The following KRABD2 variants were observed in gnomAD, a reference collection of about 807,000 sequenced individuals.
The protein encoded by KRABD2 is KRAB domain-containing protein 2.
the KRABD2 span, chr17:8,359,763 C>T: frequency 2.2e-6 from 1 of 456,064 alleles, no homozygotes; most frequent in Non-Finnish European, 4.4e-6. Context: ...GGTTTCAGGA[C>T]TGGGAGCCAG....
the KRABD2 span, chr17:8,376,669 T>C: frequency 3.0e-6 from 3 of 983,960 alleles, no homozygotes; most frequent in Non-Finnish European, 3.6e-6. Context: ...GGCGTCTGAA[T>C]CCCCCTCCAC....
At chr17:8,371,179 AT>A in the KRABD2 span, 1 of 806,722 alleles carries the variant, frequency 1.2e-6, no homozygotes, top group Non-Finnish European at 1.9e-6. Flanking sequence ...AAAAAAAAAA[AT>A]TTCTTATGGC....
At chr17:8,371,491 A>G in the KRABD2 span, 1 of 1,610,350 alleles carries the variant, frequency 6.2e-7, no homozygotes, top group Non-Finnish European at 8.5e-7. Context: ...CAGCTTCAGC[A>G]GGACTGGGGA....
the KRABD2 span, among the ~76,000 whole-genome samples, chr17:8,362,329 C>CAA: frequency 5.2e-5 from 7 of 134,104 alleles, no homozygotes; most frequent in African/African-American, 1.9e-4. The surrounding 1 kb of genome is among the most constrained non-coding windows in gnomAD (Gnocchi z 4.2). Flanking sequence ...GATTCCATCT[C>CAA]AAAAAAAAAA....
At chr17:8,370,114 C>G in the KRABD2 span, 6 of 1,614,076 alleles carry the variant, frequency 3.7e-6, no homozygotes, top group African/African-American at 1.3e-5. Context: ...GTGCCCTGTA[C>G]AGAGATCACA....
chr17:8,370,436 C>T, the KRABD2 span: 1 of 1,206,362 alleles, frequency 8.3e-7, no homozygotes, highest in Non-Finnish European at 1.2e-6. Flanking sequence ...ACACTCCCAC[C>T]TGGAAGACTT....
At chr17:8,376,517 G>A in the KRABD2 span, 1 of 991,798 alleles carries the variant, frequency 1.0e-6, no homozygotes, top group African/African-American at 1.7e-5. Flanking sequence ...TTCCTACCCT[G>A]ACTTCGCAGA....
the KRABD2 span, among the ~76,000 whole-genome samples, chr17:8,360,753 A>T: frequency 6.6e-6 from 1 of 151,914 alleles, no homozygotes; most frequent in African/African-American, 2.4e-5. Flanking sequence ...ATCACAAACT[A>T]AAAAAAACAA....
At chr17:8,374,387 A>G in the KRABD2 span, among the ~76,000 whole-genome samples, 3 of 152,130 alleles carry the variant, frequency 2.0e-5, no homozygotes, top group South Asian at 2.1e-4. Context: ...GATTAAGGGC[A>G]GTGCAAGATG....
the KRABD2 span, chr17:8,375,869 T>A: frequency 8.2e-7 from 1 of 1,224,032 alleles, no homozygotes; most frequent in Admixed American, 4.3e-5. Flanking sequence ...CTGGAAATAT[T>A]TCCAAAGCCA....
chr17:8,369,951 C>T, the KRABD2 span: 21 of 1,614,150 alleles, frequency 1.3e-5, no homozygotes, highest in Non-Finnish European at 1.8e-5. Flanking sequence ...GGTGACATTC[C>T]CATATTTTCC....
At chr17:8,370,786 C>T in the KRABD2 span, among the ~76,000 whole-genome samples, 794 of 152,256 alleles carry the variant, frequency 5.2e-3, 11 homozygotes, top group African/African-American at 0.018. Flanking sequence ...AATGGGAGAA[C>T]GTTGCTAAAA....
At chr17:8,369,614 C>A in the KRABD2 span, 1 of 1,614,226 alleles carries the variant, frequency 6.2e-7, no homozygotes, top group Non-Finnish European at 8.5e-7. Context: ...CATGAACAAC[C>A]TGGTTTGTGA....
the KRABD2 span, chr17:8,370,395 G>A: frequency 6.6e-7 from 1 of 1,518,706 alleles, no homozygotes; most frequent in Non-Finnish European, 8.8e-7. Flanking sequence ...TCCTAAGAAA[G>A]GAAGAAAAGA....
At chr17:8,365,199 T>C in the KRABD2 span, among the ~76,000 whole-genome samples, 2 of 152,122 alleles carry the variant, frequency 1.3e-5, no homozygotes, top group African/African-American at 4.8e-5. Flanking sequence ...AACATTAAGA[T>C]GCAAAAGAGG....
chr17:8,361,609 G>A, the KRABD2 span, among the ~76,000 whole-genome samples: 10 of 152,112 alleles, frequency 6.6e-5, no homozygotes, highest in African/African-American at 2.4e-4. Flanking sequence ...TTCCCCTGAA[G>A]GGCTGTGGTG....
the KRABD2 span, chr17:8,369,928 C>T: frequency 6.2e-7 from 1 of 1,614,098 alleles, no homozygotes; most frequent in Non-Finnish European, 8.5e-7. Context: ...AGATATAAGA[C>T]AATAACTTCT....
the KRABD2 span, chr17:8,365,705 C>G: frequency 6.6e-6 from 1 of 152,226 alleles, no homozygotes; most frequent in Non-Finnish European, 1.5e-5. Flanking sequence ...GCTGGTCTCT[C>G]AGGACAATCC....
At chr17:8,367,662 CAAA>C in the KRABD2 span, among the ~76,000 whole-genome samples, 10 of 94,118 alleles carry the variant, frequency 1.1e-4, no homozygotes, top group Admixed American at 2.5e-4. Context: ...GACCCTGTCT[CAAA>C]AAAAAAAAAA....
Sources: allele counts gnomAD v4.1 joint callset (sites outside exome capture counted in the v4.1 genomes callset), GRCh38; gene constraint gnomAD v4.1.1; non-coding constraint Gnocchi (gnomAD v3.1); transcripts MANE v1.5; gene names NCBI Gene and HGNC (gene_info 2026-07-23, HGNC 2026-07-21).